CADM2: variants seen among roughly 807,000 people sequenced by gnomAD.
CADM2 encodes immunoglobulin superfamily member 4D.
CADM2 carries 12 observed loss-of-function variants against 49.8 expected under a neutral mutation model. The ratio of observed to expected loss-of-function variants is 0.24; its 90% CI spans 0.15 to 0.39. The LOEUF is 0.39. Among genes scored for constraint, CADM2 ranks in the 10% least tolerant of loss-of-function variants. The pLI is 1.00. For missense variants in CADM2, 378 were observed against 492.3 expected, an observed-to-expected ratio of 0.77 and a Z score of 2.20; for synonymous variants, 214 against 175.4, an observed-to-expected ratio of 1.22 and a Z score of -1.74.
chr3:85,267,440 A>G lies in CADM2; in HGVS notation c.61+307772A>G, dbSNP rs185606141. ...TCCATGTCACTGCCTTATATCCTTCAGATAGTTACTCAAATGTCATCCTCC... is the reference window on the plus strand; with the variant it reads ...TCCATGTCACTGCCTTATATCCTTCGGATAGTTACTCAAATGTCATCCTCC... On this transcript the variant is annotated intron_variant, in intron 1 of 9. Transcript: ENST00000383699. Among the ~76,000 whole-genome samples, 746 of 151,862 alleles carry G rather than the reference A, an allele frequency of 4.9e-3. 6 individuals are homozygous for G. The highest frequency in any genetic ancestry group is 0.017 in the African/African-American group (722 of 41,498).
chr3:85,156,730 T>A (rs2040137787), intron 1 of CADM2, among the ~76,000 whole-genome samples: 2 of 152,176 alleles, frequency 1.3e-5, no homozygotes, highest in Non-Finnish European at 2.9e-5. Context: ...ACAGCCAATA[T>A]CATACTGAAG....
chr3:85,472,381 T>TAC (rs1321197543), intron 1 of CADM2, among the ~76,000 whole-genome samples: 5 of 151,830 alleles, frequency 3.3e-5, no homozygotes, highest in African/African-American at 1.2e-4. Flanking sequence ...GTGTTATTCA[T>TAC]ACACACACGC....
chr3:85,606,313 G>A (rs1269668489), intron 1 of CADM2, among the ~76,000 whole-genome samples: 2 of 151,936 alleles, frequency 1.3e-5, no homozygotes, highest in Admixed American at 6.6e-5. Context: ...ACCCCACACT[G>A]CTTTCCACAT....
Position 85,643,228 on chromosome 3 carries a change from A to G in CADM2, c.62-83294A>G, listed in dbSNP as rs142965795. 2.0e-3 allele frequency among the ~76,000 whole-genome samples: 303 copies of G among 152,296 alleles called. 1 individual carries two copies. Among genetic ancestry groups the G allele is most frequent in the Non-Finnish European group, 3.7e-3 (249 of 68,004 alleles). On this transcript the variant is annotated intron_variant, in intron 1 of 9. Coordinates refer to ENST00000383699, the MANE Select transcript of CADM2 (RefSeq NM_001167675.2). The stretch of plus-strand genomic sequence containing the variant: ...TTCTTGGCTTAACATGGGCTGCTTT[A>G]CAAAATTGTATAAAACTGGCTTGCT...
At chr3:86,039,459 C>T (rs1428941877) in intron 8 of CADM2, among the ~76,000 whole-genome samples, 2 of 152,164 alleles carry the variant, frequency 1.3e-5, no homozygotes, top group East Asian at 3.9e-4. Context: ...CTCAGAGGGT[C>T]CCACGCCCAC....
At chr3:85,627,682 A>C (rs1414525836) in intron 1 of CADM2, among the ~76,000 whole-genome samples, 2 of 152,056 alleles carry the variant, frequency 1.3e-5, no homozygotes, top group African/African-American at 2.4e-5. Context: ...AATTTGATGC[A>C]CAAGAAAGAG....
At chr3:85,597,644 TAATC>T (rs1324945361) in intron 1 of CADM2, among the ~76,000 whole-genome samples, 1 of 152,102 alleles carries the variant, frequency 6.6e-6, no homozygotes, top group Non-Finnish European at 1.5e-5. Context: ...ATACTAAAGG[TAATC>T]AAGCTGTTAG....
At chr3:85,522,412 C>T (rs1017635450) in intron 1 of CADM2, among the ~76,000 whole-genome samples, 2 of 151,844 alleles carry the variant, frequency 1.3e-5, no homozygotes, top group Non-Finnish European at 2.9e-5. Flanking sequence ...CCCACAAAGT[C>T]GATGTAAGAT....
chr3:85,096,843 A>G (rs1423892314), intron 1 of CADM2, among the ~76,000 whole-genome samples: 3 of 152,152 alleles, frequency 2.0e-5, no homozygotes, highest in Non-Finnish European at 4.4e-5. Flanking sequence ...ATTCATTTCA[A>G]ATTTTCTTAA....
intron 6 of CADM2, among the ~76,000 whole-genome samples, chr3:85,931,247 G>A (rs545709500): frequency 6.6e-6 from 1 of 151,890 alleles, no homozygotes; most frequent in African/African-American, 2.4e-5. Context: ...AAGTAAGAAA[G>A]AGATAAAGAG....
intron 2 of CADM2, among the ~76,000 whole-genome samples, chr3:85,772,958 G>A (rs980322988): frequency 6.8e-6 from 1 of 148,086 alleles, no homozygotes; most frequent in Non-Finnish European, 1.5e-5. Flanking sequence ...TCATTTTGCT[G>A]TATGATTCCC....
At chr3:85,345,358 CA>C (rs1359145383) in intron 1 of CADM2, among the ~76,000 whole-genome samples, 1 of 135,966 alleles carries the variant, frequency 7.4e-6, no homozygotes, top group Non-Finnish European at 1.6e-5. Context: ...TGCCCTGAAT[CA>C]AAAATAAAAA....
chr3:85,405,916 A>G (rs1368741), intron 1 of CADM2, among the ~76,000 whole-genome samples: 130,218 of 150,776 alleles, frequency 0.86, 56,377 homozygotes, highest in East Asian at 0.95. Flanking sequence ...ACCCTGTCAC[A>G]AAAATAAAAT....
intron 3 of CADM2, among the ~76,000 whole-genome samples, chr3:85,845,476 G>C (rs2074841249): frequency 6.6e-6 from 1 of 152,110 alleles, no homozygotes; most frequent in Non-Finnish European, 1.5e-5. Flanking sequence ...GGAAGTTTAA[G>C]CTATTCCTGT....
At chr3:85,583,577 A>G (rs1333944247) in intron 1 of CADM2, among the ~76,000 whole-genome samples, 1 of 152,170 alleles carries the variant, frequency 6.6e-6, no homozygotes, top group Non-Finnish European at 1.5e-5. Flanking sequence ...GGTTGAAACT[A>G]AACTTTTAAA....
intron 1 of CADM2, among the ~76,000 whole-genome samples, chr3:85,357,591 T>C (rs976350463): frequency 4.6e-5 from 7 of 152,088 alleles, no homozygotes; most frequent in Admixed American, 4.6e-4. Flanking sequence ...TTCTATAATA[T>C]CATTTGTCTG....
intron 1 of CADM2, among the ~76,000 whole-genome samples, chr3:85,160,552 T>A (rs1352840487): frequency 6.6e-6 from 1 of 152,140 alleles, no homozygotes; most frequent in Non-Finnish European, 1.5e-5. Flanking sequence ...AAAAATGAGT[T>A]TTTTAAAAAA....
chr3:85,661,457 A>G (rs1252555981), intron 1 of CADM2, among the ~76,000 whole-genome samples: 1 of 152,036 alleles, frequency 6.6e-6, no homozygotes, highest in Non-Finnish European at 1.5e-5. Context: ...GTTGGGCCAG[A>G]TTCTAGACAG....
intron 1 of CADM2, among the ~76,000 whole-genome samples, chr3:85,220,807 GAA>G (rs35283437): frequency 2.5e-4 from 37 of 148,946 alleles, no homozygotes; most frequent in African/African-American, 6.2e-4. Flanking sequence ...TGGTTGCTTA[GAA>G]AAAAAAAAAT....
Sources: gnomAD v4.1 joint callset for allele counts (sites outside exome capture counted in the v4.1 genomes callset) on GRCh38, gnomAD v4.1.1 for gene constraint, MANE v1.5 for transcripts, NCBI Gene and HGNC (gene_info 2026-07-23, HGNC 2026-07-21) for gene names.